MYT1L: variants seen among roughly 807,000 people sequenced by gnomAD.
MYT1L encodes myelin transcription factor 1 like.
A neutral mutation model predicts 126.7 loss-of-function variants in MYT1L; 12 were observed. That is an observed-to-expected ratio of 0.09 (90% CI 0.06 to 0.15). MYT1L has a LOEUF of 0.15. Among genes scored for constraint, MYT1L ranks in the 10% least tolerant of loss-of-function variants. MYT1L has a pLI of 1.00. For missense variants in MYT1L, 979 were observed against 1,585.2 expected (o/e 0.62, Z 6.49); for synonymous variants, 541 against 604.2 (o/e 0.90, Z 1.53).
intron 2 of MYT1L, among the ~76,000 whole-genome samples, chr2:2,267,709 G>A (rs1263932850): frequency 6.6e-6 from 1 of 152,172 alleles, no homozygotes; most frequent in East Asian, 1.9e-4. Flanking sequence ...TGGTCAGGGT[G>A]TGCTGAGCTC....
intron 3 of MYT1L, among the ~76,000 whole-genome samples, chr2:2,061,942 GC>G (rs1172176365): frequency 6.6e-6 from 1 of 152,048 alleles, no homozygotes; most frequent in African/African-American, 2.4e-5. Context: ...CAGAGGGAAA[GC>G]TTTCAACGCT....
At chr2:2,246,481 A>G (rs1403200461) in intron 2 of MYT1L, among the ~76,000 whole-genome samples, 1 of 152,172 alleles carries the variant, frequency 6.6e-6, no homozygotes, top group East Asian at 1.9e-4. Context: ...TATAAACCCC[A>G]AAAGGGAAGA....
intron 2 of MYT1L, 114 bp downstream of exon 2, chr2:2,284,290 A>G (rs960929623): frequency 2.0e-5 from 3 of 152,202 alleles, no homozygotes; most frequent in Non-Finnish European, 4.4e-5. Context: ...CTGGTACAAA[A>G]GAACCCAGTT....
At chr2:1,792,633 G>A (rs1402482127) in intron 23 of MYT1L, among the ~76,000 whole-genome samples, 169 bp from the exon 24 acceptor site, 1 of 152,162 alleles carries the variant, frequency 6.6e-6, no homozygotes, top group African/African-American at 2.4e-5. Context: ...ATTTTGGGAG[G>A]CCAAGACAGG....
chr2:2,251,441 G>A (rs1031016490), intron 2 of MYT1L, among the ~76,000 whole-genome samples: 5 of 152,190 alleles, frequency 3.3e-5, no homozygotes, highest in Non-Finnish European at 4.4e-5. Flanking sequence ...GTCCGCCCAC[G>A]CCACGCTTCC....
intron 3 of MYT1L, among the ~76,000 whole-genome samples, chr2:2,110,120 T>G (rs1244627981): frequency 6.6e-6 from 1 of 151,404 alleles, no homozygotes; most frequent in African/African-American, 2.4e-5. Context: ...CTGAGGACCT[T>G]TGTCCCATTT....
chr2:1,909,379 G>C (rs2051554127), intron 13 of MYT1L, among the ~76,000 whole-genome samples: 1 of 152,184 alleles, frequency 6.6e-6, no homozygotes, highest in Non-Finnish European at 1.5e-5. Flanking sequence ...TTGGCACTGA[G>C]GGGTACATCT....
chr2:2,289,239 C>T (rs2095564417), intron 1 of MYT1L, among the ~76,000 whole-genome samples: 1 of 152,130 alleles, frequency 6.6e-6, no homozygotes, highest in Non-Finnish European at 1.5e-5. Flanking sequence ...AATCATACTG[C>T]CAGATACGTT....
chr2:2,217,404 C>T (rs1486020609), intron 2 of MYT1L, among the ~76,000 whole-genome samples: 1 of 151,976 alleles, frequency 6.6e-6, no homozygotes, highest in Non-Finnish European at 1.5e-5. Flanking sequence ...AAAATCCAGC[C>T]AGGCACGGTG....
intron 18 of MYT1L, among the ~76,000 whole-genome samples, chr2:1,858,257 G>A (rs1415317317): frequency 5.3e-5 from 8 of 152,134 alleles, no homozygotes; most frequent in African/African-American, 1.9e-4. Context: ...TTTCAAATAG[G>A]AGAAAAAGGC....
At chr2:1,804,818 G>A (rs1226288095) in intron 22 of MYT1L, among the ~76,000 whole-genome samples, 1 of 152,216 alleles carries the variant, frequency 6.6e-6, no homozygotes, top group Non-Finnish European at 1.5e-5. Context: ...AGTAGGTGAA[G>A]TTCCTGACAA....
chr2:2,184,293 T>C (rs970448717), intron 2 of MYT1L, among the ~76,000 whole-genome samples: 6 of 152,198 alleles, frequency 3.9e-5, no homozygotes, highest in Non-Finnish European at 5.9e-5. Context: ...TGTTAATGCA[T>C]GTGTGTGTTC....
At chr2:2,048,904 G>A (rs758354773) in intron 4 of MYT1L, among the ~76,000 whole-genome samples, 2 of 152,126 alleles carry the variant, frequency 1.3e-5, no homozygotes, top group Non-Finnish European at 2.9e-5. Flanking sequence ...GGTGGCCTGT[G>A]ACTTTGATAA....
chr2:2,045,010 T>C (rs1254521211), intron 4 of MYT1L, among the ~76,000 whole-genome samples: 2 of 152,198 alleles, frequency 1.3e-5, no homozygotes, highest in Non-Finnish European at 2.9e-5. Context: ...TTCAGAACCC[T>C]GTTTATGGTC....
intron 2 of MYT1L, among the ~76,000 whole-genome samples, chr2:2,180,669 T>C (rs1272144338): frequency 6.6e-6 from 1 of 151,846 alleles, no homozygotes; most frequent in East Asian, 1.9e-4. Flanking sequence ...TGCCTGTGTG[T>C]GCACCTGTGT....
chr2:1,793,590 G>A lies in MYT1L; in HGVS notation c.3277-1126C>T, dbSNP rs551953489. ...CTGGGTCAAATCCCGGGTTCTCCCAGTCACCAGCCTCAGGCCCAGACCCTC... is the reference window on the plus strand; with the variant it reads ...CTGGGTCAAATCCCGGGTTCTCCCAATCACCAGCCTCAGGCCCAGACCCTC... On this transcript the variant is annotated intron_variant, in intron 23 of 24. Coordinates refer to ENST00000647738, the MANE Select transcript of MYT1L (RefSeq NM_001303052.2). The surrounding 1 kb of genome is among the most constrained non-coding windows in gnomAD (Gnocchi z 4.6). 6.6e-6 allele frequency among the ~76,000 whole-genome samples: 1 copy of A among 152,288 alleles called. No homozygotes were observed. Among genetic ancestry groups the A allele is most frequent in the Admixed American group, 6.5e-5 (1 of 15,310 alleles).
At chr2:2,259,885 A>G (rs558359709) in intron 2 of MYT1L, among the ~76,000 whole-genome samples, 2 of 152,358 alleles carry the variant, frequency 1.3e-5, no homozygotes, top group East Asian at 1.9e-4. Flanking sequence ...AGATGTGCAC[A>G]GCACTGGCCA....
At chr2:2,008,021 C>T (rs2063490494) in intron 4 of MYT1L, among the ~76,000 whole-genome samples, 1 of 152,138 alleles carries the variant, frequency 6.6e-6, no homozygotes, top group South Asian at 2.1e-4. Flanking sequence ...ATAGTAGAAC[C>T]TACGATTGGC....
At chr2:2,237,932 G>T (rs181412107) in intron 2 of MYT1L, among the ~76,000 whole-genome samples, 22 of 152,310 alleles carry the variant, frequency 1.4e-4, no homozygotes, top group Admixed American at 2.0e-4. Flanking sequence ...ATAAGGTAAA[G>T]TCAGGTTGTT....
Sources: gnomAD v4.1 joint callset for allele counts (sites outside exome capture counted in the v4.1 genomes callset) on GRCh38, gnomAD v4.1.1 for gene constraint, Gnocchi (gnomAD v3.1) non-coding constraint, MANE v1.5 for transcripts, NCBI Gene and HGNC (gene_info 2026-07-23, HGNC 2026-07-21) for gene names.